Variants in RGS16 observed in about 807,000 individuals in gnomAD.
RGS16 encodes the protein regulator of G protein signaling 16, also known as hRGS-r.
In RGS16, 12 loss-of-function variants were observed where a neutral mutation model predicts 18.1. The ratio of observed to expected loss-of-function variants is 0.66; its 90% confidence interval spans 0.42 to 1.07. The LOEUF is 1.07. RGS16 is among the 50% of genes least tolerant of loss of function. The pLI is 0.00. For missense variants in RGS16, 238 were observed against 249.2 expected, an observed-to-expected ratio of 0.95 and a Z score of 0.30; for synonymous variants, 88 against 102.0, an observed-to-expected ratio of 0.86 and a Z score of 0.83.
intron 2 of RGS16, 64 bp downstream of exon 2, chr1:182,603,165 C>T (rs915186921): frequency 8.5e-7 from 1 of 1,180,170 alleles, no homozygotes; most frequent in Non-Finnish European, 1.3e-6. Flanking sequence ...CTGTATTTCC[C>T]TCCTCATGAC....
At chr1:182,603,155 C>A in intron 2 of RGS16, 74 bp downstream of exon 2, 1 of 1,079,312 alleles carries the variant, frequency 9.3e-7, no homozygotes, top group Non-Finnish European at 1.4e-6. Context: ...TGGCTTCTCC[C>A]TGTATTTCCC....
intron 2 of RGS16, 35 bp downstream of exon 2, chr1:182,603,194 C>T (rs756818752): frequency 6.8e-7 from 1 of 1,471,738 alleles, no homozygotes; most frequent in Non-Finnish European, 9.5e-7. Flanking sequence ...CACTCCCTTC[C>T]CTCTCGGAGC....
chr1:182,599,974 C>T lies in RGS16; in HGVS notation c.*318G>A. The T allele has an allele frequency of 2.5e-6, 1 of 396,628 alleles. No homozygotes were observed. Among genetic ancestry groups the T allele is most frequent in the Non-Finnish European group, 4.6e-6 (1 of 217,220 alleles). The allele number at this position is 396,628 out of a possible 1,614,324, so 24.6% of individuals were successfully genotyped here. A position where few individuals can be genotyped will look rare whatever the true frequency, so the allele number is the denominator to read the frequency against. ...CTAAACCACACTAGAACACTTCCTT[C>T]TCCGGTGAGAACGAGAGCCAGTGCT... On this transcript the variant is annotated 3_prime_UTR_variant, in exon 5 of 5. Coordinates refer to ENST00000367558, the MANE Select transcript of RGS16 (RefSeq NM_002928.4).
rs111475438 is a variant in RGS16, at chr1:182,600,222, A to AGG, written c.*68_*69dup. On this transcript the variant is annotated 3_prime_UTR_variant, in exon 5 of 5. Transcript: ENST00000367558. ...GCTTTGCAGAACCTGCCTCCCACAC[A>AGG]GGGGCAGCCACCTCGGGGATGGGTG... 2 of 1,098,874 alleles carry AGG rather than the reference A, an allele frequency of 1.8e-6. No individual in the cohort carries two copies. 68.1% of individuals were successfully genotyped at this position (1,098,874 alleles called of 1,614,324 possible).
At chr1:182,604,172 A>C in intron 1 of RGS16, 44 bp downstream of exon 1, 1 of 1,549,118 alleles carries the variant, frequency 6.5e-7, no homozygotes, top group Middle Eastern at 1.7e-4. Flanking sequence ...ACTCCCTAAG[A>C]GTTGGTGGGA....
At position 182,599,822 on chromosome 1, in the gene RGS16, G is replaced by A. The variant is rs115098700; in HGVS notation, c.*470C>T. 2.4e-3 allele frequency: 401 copies of A among 169,974 alleles called. 1 individual carries two copies. Among genetic ancestry groups the A allele is most frequent in the African/African-American group, 9.2e-3 (384 of 41,742 alleles). The allele number at this position is 169,974 out of a possible 1,614,324, so 10.5% of individuals were successfully genotyped here. A position where few individuals can be genotyped will look rare whatever the true frequency, so the allele number is the denominator to read the frequency against. On this transcript the variant is annotated 3_prime_UTR_variant, in exon 5 of 5. Transcript: ENST00000367558. ...AGACTCCACATCCAGGGTCCCTTCC[G>A]TGCCCAGAACAGTCTGGGAATTAGG...
intron 3 of RGS16, 77 bp from the exon 4 acceptor site, chr1:182,602,209 G>A (rs747745551): frequency 2.1e-6 from 3 of 1,451,466 alleles, no homozygotes; most frequent in Admixed American, 3.6e-5. Flanking sequence ...GAAAGCAATT[G>A]CAATTAATGG....
Position 182,604,316 on chromosome 1 carries a change from T to C in RGS16, c.-57A>G. 2 of 1,503,096 alleles carry C rather than the reference T, an allele frequency of 1.3e-6. No homozygotes were observed. The highest frequency in any genetic ancestry group is 2.5e-5 in the South Asian group (2 of 80,152). The allele number at this position is 1,503,096 out of a possible 1,614,324, so 93.1% of individuals were successfully genotyped here. A position where few individuals can be genotyped will look rare whatever the true frequency, so the allele number is the denominator to read the frequency against. ...AGGATGGTGGCAGGCTCCAGGAGGC[T>C]CCGCGTGCGCCAGGAAGCAAAGGCG... On this transcript the variant is annotated 5_prime_UTR_variant, in exon 1 of 5. Coordinates refer to ENST00000367558, the MANE Select transcript of RGS16 (RefSeq NM_002928.4).
At chr1:182,602,551 C>T (rs771781445) in intron 2 of RGS16, 67 bp from the exon 3 acceptor site, 1 of 1,277,868 alleles carries the variant, frequency 7.8e-7, no homozygotes, top group East Asian at 2.4e-5. Context: ...AGTACAAATT[C>T]TAGCCAGAAC....
intron 1 of RGS16, 55 bp downstream of exon 1, chr1:182,604,161 C>G: frequency 6.5e-7 from 1 of 1,542,944 alleles, no homozygotes; most frequent in Non-Finnish European, 8.8e-7. Context: ...CCTGCCGCTC[C>G]ACTCCCTAAG....
chr1:182,602,166 G>C, intron 3 of RGS16, 34 bp from the exon 4 acceptor site: 1 of 1,607,670 alleles, frequency 6.2e-7, no homozygotes, highest in Non-Finnish European at 8.5e-7. Flanking sequence ...AAATAGGTCA[G>C]CTGGAGGGAC....
chr1:182,601,450 C>CGGTCAGAAAACAAATGTGGAATCA (rs1167069187), intron 4 of RGS16, among the ~76,000 whole-genome samples: 1 of 152,198 alleles, frequency 6.6e-6, no homozygotes, highest in Non-Finnish European at 1.5e-5. Flanking sequence ...TGGAATCAAT[C>CGGTCAGAAAACAAATGTGGAATCA]AGCGGTCAGA....
intron 4 of RGS16, 164 bp downstream of exon 4, chr1:182,601,802 G>A (rs1211192532): frequency 2.5e-6 from 2 of 790,648 alleles, no homozygotes; most frequent in Non-Finnish European, 4.1e-6. Context: ...AGTGGCACTG[G>A]GCCTGGCTTT....
At position 182,604,270 on chromosome 1, in the gene RGS16, G is replaced by C. The variant is rs1200836561; in HGVS notation, c.-11C>G. 6.5e-7 allele frequency: 1 copy of C among 1,549,302 alleles called. No homozygotes were observed. Among genetic ancestry groups the C allele is most frequent in the Non-Finnish European group, 8.7e-7 (1 of 1,146,176 alleles). On this transcript the variant is annotated 5_prime_UTR_variant, in exon 1 of 5. Coordinates refer to ENST00000367558, the MANE Select transcript of RGS16 (RefSeq NM_002928.4). ...CAGGGTGCGGCACATGGCTGCGGGC[G>C]CAGGGCAGCACGTAGTAGGCAGGAT...
Position 182,602,004 on chromosome 1 carries a change from T to C in RGS16, c.349A>G (p.Ile117Val). Residue 117 changes from isoleucine to valine, a missense_variant, in exon 4 of 5, where the codon ATC becomes GTC. By Grantham distance (29) the Ile-to-Val change is conservative (BLOSUM62 3). Coordinates refer to ENST00000367558, the MANE Select transcript of RGS16 (RefSeq NM_002928.4). ...ATKLASRAHQ[I>V]FEEFICSEAP... ...TCACTGCAAATGAACTCCTCAAAGA[T>C]CTGGTGTGCCCTGGAGGCCAGCTTG... 1 of 1,614,152 alleles carries C rather than the reference T, an allele frequency of 6.2e-7. No individual in the cohort carries two copies. The highest frequency in any genetic ancestry group is 8.5e-7 in the Non-Finnish European group (1 of 1,180,020).
intron 4 of RGS16, 60 bp downstream of exon 4, chr1:182,601,906 C>A (rs1399641253): frequency 9.4e-6 from 15 of 1,593,972 alleles, no homozygotes; most frequent in African/African-American, 1.3e-5. Context: ...AGCCCTGATT[C>A]TCAGAGGGGA....
chr1:182,602,468 C>A lies in RGS16; in HGVS notation c.172G>T (p.Asp58Tyr). 6.2e-7 allele frequency: 1 copy of A among 1,613,542 alleles called. No homozygotes were observed. Residue 58 changes from aspartate (D) to tyrosine (Y), a missense_variant, in exon 3 of 5, where the codon GAT becomes TAT. Physicochemically the swap from Asp to Tyr is radical, Grantham distance 160. Coordinates refer to ENST00000367558, the MANE Select transcript of RGS16 (RefSeq NM_002928.4). ...AACGACTCTCTCCACCCCAGCACAT[C>A]TTCTGAGAAGTTTCTACTAAAAGAC... is the stretch of plus-strand genomic sequence containing the variant. ...HSKENRNFSE[D>Y]VLGWRESFDL...
chr1:182,602,307 A>G (rs572751956), intron 3 of RGS16, 113 bp downstream of exon 3: 2 of 1,075,690 alleles, frequency 1.9e-6, no homozygotes, highest in East Asian at 4.8e-5. Context: ...CATTATTATT[A>G]TTATTACTAC....
In RGS16 at chr1:182,600,451, T is replaced by C. The variant is rs1318137246; in HGVS notation, c.450A>G (p.Thr150=). 4 of 1,614,036 alleles carry C rather than the reference T, an allele frequency of 2.5e-6. No individual in the cohort carries two copies. Among genetic ancestry groups the C allele is most frequent in the Middle Eastern group, 1.6e-4 (1 of 6,062 alleles). The change falls in exon 5 of 5, where the codon ACA becomes ACG. Residue 150 remains threonine, a synonymous_variant. Transcript: ENST00000367558. The part of the protein sequence containing the change: ...TRMNLQTATA[T]CFDAAQGKTR... The stretch of plus-strand genomic sequence containing the variant: ...TCTTCCCCTGAGCCGCATCAAAGCA[T>C]GTGGCTGTGGCAGTCTGCAGGTTCA...
Sources: allele counts gnomAD v4.1 joint callset (sites outside exome capture counted in the v4.1 genomes callset), GRCh38; gene constraint gnomAD v4.1.1; transcripts MANE v1.5; gene names NCBI Gene and HGNC (gene_info 2026-07-23, HGNC 2026-07-21).